The following SVIL variants were observed in gnomAD, a reference collection of about 807,000 sequenced individuals.
SVIL encodes archvillin.
A neutral mutation model predicts 240.4 loss-of-function variants in SVIL; 101 were observed. The ratio of observed to expected loss-of-function variants is 0.42; its 90% CI spans 0.36 to 0.50. The LOEUF (loss-of-function observed/expected upper bound fraction) is 0.50, where lower values mean the gene tolerates loss of function less well. Among genes scored for constraint, SVIL ranks in the 20% least tolerant of loss-of-function variants. The probability of loss-of-function intolerance (pLI) is 0.01; values close to 1 mark genes in which losing one functional copy is unlikely to be tolerated. For synonymous variants in SVIL, 999 were observed against 1,100.0 expected (o/e 0.91, Z 1.82); for missense variants, 2,512 against 2,818.7 (o/e 0.89, Z 2.46).
At chr10:29,626,425 CA>C (rs1361304916) in intron 1 of SVIL, among the ~76,000 whole-genome samples, 20 of 152,318 alleles carry the variant, frequency 1.3e-4, no homozygotes, top group African/African-American at 4.8e-4. Context: ...CAGTCCCTGA[CA>C]CACAGTAAGT....
chr10:29,725,296 G>C (rs183136132), intron 1 of SVIL, among the ~76,000 whole-genome samples: 1 of 152,008 alleles, frequency 6.6e-6, no homozygotes. Context: ...GCAGGATCTC[G>C]TGTCCCCTTT....
chr10:29,639,725 C>G (rs956418673), upstream of SVIL, among the ~76,000 whole-genome samples: 1 of 152,170 alleles, frequency 6.6e-6, no homozygotes, highest in African/African-American at 2.4e-5. Context: ...CCTTGGCCTC[C>G]CAAAGTGCTG....
At position 29,491,144 on chromosome 10, in the gene SVIL, C is replaced by T. The variant is rs143876458; in HGVS notation, c.4020-125G>A. On this transcript the variant is annotated intron_variant, in intron 21 of 37. Coordinates refer to ENST00000355867, the MANE Select transcript of SVIL (RefSeq NM_021738.3). ...CAAATCTTGCAACTCTTCCTCCCAC[C>T]GCCACTCCCCTGACATGGAGTCGTA... 1,181 of 1,049,674 alleles carry T rather than the reference C, an allele frequency of 1.1e-3. 12 individuals carry two copies. The African/African-American group carries it at 0.018, about 16-fold the overall frequency. The allele number at this position is 1,049,674 out of a possible 1,614,324, so 65.0% of individuals were successfully genotyped here. A position where few individuals can be genotyped will look rare whatever the true frequency, so the allele number is the denominator to read the frequency against.
At chr10:29,712,807 C>A (rs1300933157) in intron 1 of SVIL, among the ~76,000 whole-genome samples, 1 of 152,122 alleles carries the variant, frequency 6.6e-6, no homozygotes, top group Admixed American at 6.5e-5. Flanking sequence ...GTACTAGTCC[C>A]CTCATCTTAT....
chr10:29,460,071 G>A (rs1180407282), intron 36 of SVIL, among the ~76,000 whole-genome samples: 6 of 152,038 alleles, frequency 3.9e-5, no homozygotes. Flanking sequence ...CAGCCTGGGT[G>A]ACAAAGCAAG....
At chr10:29,549,029 A>C (rs1039936805) in intron 6 of SVIL, among the ~76,000 whole-genome samples, 2 of 151,948 alleles carry the variant, frequency 1.3e-5, no homozygotes, top group Non-Finnish European at 1.5e-5. Context: ...ATCTAATTAA[A>C]CTAAAGAGCT....
In SVIL at chr10:29,680,410, G is replaced by A. The variant is rs573205987; in HGVS notation, c.-301+6143C>T. 5.9e-5 allele frequency among the ~76,000 whole-genome samples: 9 copies of A among 152,270 alleles called. No individual in the cohort carries two copies. In the East Asian group the frequency reaches 1.7e-3, roughly 29 times the overall value. On this transcript the variant is annotated intron_variant, in intron 2 of 35. Coordinates refer to the SVIL transcript ENST00000375400. ...GTGTTCCAGGTAGTATGCAACACGA[G>A]GCCTGGAGCCTGCTATTTTCAGAAA...
chr10:29,584,551 T>C (rs10763727), intron 1 of SVIL, among the ~76,000 whole-genome samples: 62,070 of 151,978 alleles, frequency 0.41, 12,813 homozygotes, highest in Admixed American at 0.47. Context: ...TTGAAAGCGG[T>C]TGTGGTTCTC....
At chr10:29,528,761 A>C (rs1363036952) in intron 12 of SVIL, among the ~76,000 whole-genome samples, 1 of 152,158 alleles carries the variant, frequency 6.6e-6, no homozygotes, top group African/African-American at 2.4e-5. Context: ...TGCCCCCCGC[A>C]AAAATAAGAA....
At chr10:29,581,380 T>A (rs1329690823) in intron 1 of SVIL, among the ~76,000 whole-genome samples, 1 of 152,210 alleles carries the variant, frequency 6.6e-6, no homozygotes, top group East Asian at 1.9e-4. Context: ...CTGCGTGCAC[T>A]GTGAGATGCT....
intron 36 of SVIL, among the ~76,000 whole-genome samples, chr10:29,459,344 C>T (rs1040898443): frequency 6.6e-6 from 1 of 152,058 alleles, no homozygotes; most frequent in Non-Finnish European, 1.5e-5. Flanking sequence ...TCTTTTCTCA[C>T]CTTGTCACAG....
chr10:29,653,247 G>A (rs1016195198), intron 3 of SVIL, among the ~76,000 whole-genome samples: 5 of 152,122 alleles, frequency 3.3e-5, no homozygotes, highest in African/African-American at 1.2e-4. Context: ...CCCCCTTGCT[G>A]TTCTTGTGAT....
Position 29,730,581 on chromosome 10 carries a change from C to T in SVIL, c.-400+5170G>A, listed in dbSNP as rs556422785. On this transcript the variant is annotated intron_variant, in intron 1 of 35. Transcript: ENST00000375400. ...GTGAAAACTGAAAGACTGTAAACAT[C>T]TGTTATTACTGCACAAAAGGGATGA... Among the ~76,000 whole-genome samples the T allele has an allele frequency of 8.7e-4, 132 of 152,242 alleles. 1 individual carries two copies. Among genetic ancestry groups the T allele is most frequent in the Middle Eastern group, 3.4e-3 (1 of 294 alleles).
intron 1 of SVIL, among the ~76,000 whole-genome samples, chr10:29,588,555 G>T (rs1230456355): frequency 6.6e-6 from 1 of 152,142 alleles, no homozygotes; most frequent in African/African-American, 2.4e-5. Context: ...TGTAAATAGC[G>T]ATTGATTTTT....
intron 12 of SVIL, 104 bp from the exon 13 acceptor site, chr10:29,527,160 T>A (rs1451554307): frequency 1.9e-6 from 2 of 1,054,506 alleles, no homozygotes; most frequent in Non-Finnish European, 2.8e-6. Flanking sequence ...ATCAAAAATT[T>A]TAACAGAATA....
chr10:29,715,830 G>A (rs1350135143), intron 1 of SVIL, among the ~76,000 whole-genome samples: 1 of 152,202 alleles, frequency 6.6e-6, no homozygotes, highest in Non-Finnish European at 1.5e-5. Context: ...AGGTTCCTAG[G>A]TTCAAATGCA....
chr10:29,648,908 G>T (rs1444186030), intron 3 of SVIL, among the ~76,000 whole-genome samples: 4 of 152,086 alleles, frequency 2.6e-5, no homozygotes, highest in African/African-American at 9.7e-5. Flanking sequence ...GAGGCCAAGT[G>T]GGGAGGATTG....
rs554137466 is a variant in SVIL, at chr10:29,680,326, A to T, written c.-301+6227T>A. ...ACCCAGCTAGCTTCTTGGAGGAGGC[A>T]CCTGAATGGCATCTTTAGTGATCAG... On this transcript the variant is annotated intron_variant, in intron 2 of 35. Coordinates refer to the SVIL transcript ENST00000375400. Among the ~76,000 whole-genome samples the T allele has an allele frequency of 3.0e-4, 46 of 152,340 alleles. No individual in the cohort carries two copies. In the South Asian group the frequency reaches 5.8e-3, roughly 19 times the overall value.
intron 1 of SVIL, among the ~76,000 whole-genome samples, chr10:29,700,554 T>C (rs1962437495): frequency 1.4e-5 from 2 of 139,368 alleles, no homozygotes; most frequent in African/African-American, 5.3e-5. Flanking sequence ...CACTGCAAGC[T>C]CCGCCTCCCG....
Sources: gnomAD v4.1 joint callset for allele counts (sites outside exome capture counted in the v4.1 genomes callset) on GRCh38, gnomAD v4.1.1 for gene constraint, MANE v1.5 for transcripts, NCBI Gene and HGNC (gene_info 2026-07-23, HGNC 2026-07-21) for gene names.